The following NKAIN2 variants were observed in gnomAD, a reference collection of about 807,000 sequenced individuals.
NKAIN2 encodes the protein sodium/potassium transporting ATPase interacting 2.
NKAIN2 carries 14 observed loss-of-function variants against 32.6 expected under a neutral mutation model. The observed-to-expected ratio is 0.43, with a 90% CI of 0.28 to 0.67. The LOEUF (loss-of-function observed/expected upper bound fraction) is 0.67, where lower values mean the gene tolerates loss of function less well. NKAIN2 is among the 30% of genes least tolerant of loss of function. NKAIN2 has a pLI of 0.17. For missense variants in NKAIN2, 198 were observed against 258.3 expected (o/e 0.77, Z 1.60); for synonymous variants, 80 against 87.2 (o/e 0.92, Z 0.46).
chr6:123,843,782 T>C (rs1774978591), intron 1 of NKAIN2, among the ~76,000 whole-genome samples: 1 of 151,992 alleles, frequency 6.6e-6, no homozygotes, highest in Non-Finnish European at 1.5e-5. Flanking sequence ...ACGCAAGTTA[T>C]GGGAGGGTAA....
At chr6:124,510,181 T>G (rs505424) in intron 3 of NKAIN2, among the ~76,000 whole-genome samples, 1 of 152,054 alleles carries the variant, frequency 6.6e-6, no homozygotes, top group Non-Finnish European at 1.5e-5. Flanking sequence ...TATTTTTACA[T>G]CGAATGTTGG....
chr6:124,127,840 T>G (rs1000185927), intron 1 of NKAIN2, among the ~76,000 whole-genome samples: 1 of 152,090 alleles, frequency 6.6e-6, no homozygotes, highest in African/African-American at 2.4e-5. Context: ...TTCCCGTTTT[T>G]TTTTTAGATG....
At chr6:124,812,998 G>A (rs184605950) in intron 5 of NKAIN2, among the ~76,000 whole-genome samples, 7 of 146,156 alleles carry the variant, frequency 4.8e-5, no homozygotes, top group South Asian at 2.2e-4. Context: ...ATGCCAAGTC[G>A]CATGAAAGAA....
intron 1 of NKAIN2, among the ~76,000 whole-genome samples, chr6:123,933,583 T>A (rs1341203861): frequency 1.3e-5 from 2 of 152,212 alleles, no homozygotes; most frequent in African/African-American, 4.8e-5. Flanking sequence ...CCTTCTCTGT[T>A]ATTTTCAGTT....
intron 1 of NKAIN2, among the ~76,000 whole-genome samples, chr6:124,043,990 G>T (rs944798203): frequency 2.0e-5 from 3 of 152,064 alleles, no homozygotes; most frequent in African/African-American, 7.2e-5. Flanking sequence ...ATGTAGACAA[G>T]TATTCCAGAC....
chr6:124,808,866 T>C (rs1356695924), intron 5 of NKAIN2, among the ~76,000 whole-genome samples: 1 of 152,092 alleles, frequency 6.6e-6, no homozygotes, highest in African/African-American at 2.4e-5. Context: ...AAATCATGAG[T>C]GAACTCCCAT....
At chr6:124,707,397 A>T (rs949027790) in intron 4 of NKAIN2, among the ~76,000 whole-genome samples, 11 of 151,026 alleles carry the variant, frequency 7.3e-5, no homozygotes, top group Non-Finnish European at 1.3e-4. Context: ...CCAGTTCTAG[A>T]TCCCTGAGGA....
intron 1 of NKAIN2, among the ~76,000 whole-genome samples, chr6:124,236,318 A>G (rs940738265): frequency 1.3e-5 from 2 of 152,140 alleles, no homozygotes; most frequent in Non-Finnish European, 2.9e-5. Context: ...TGCAATGACA[A>G]TGGAACATGT....
At chr6:123,895,611 AAAG>A (rs1469320817) in intron 1 of NKAIN2, among the ~76,000 whole-genome samples, 1 of 152,202 alleles carries the variant, frequency 6.6e-6, no homozygotes, top group East Asian at 1.9e-4. Flanking sequence ...ATGCTTAGAC[AAAG>A]AAGACTGTAA....
chr6:124,114,307 G>A (rs561834643), intron 1 of NKAIN2, among the ~76,000 whole-genome samples: 100 of 151,748 alleles, frequency 6.6e-4, no homozygotes, highest in Admixed American at 1.2e-3. Flanking sequence ...TGGTAAAAAG[G>A]ATGGCACAAG....
At chr6:123,978,828 C>T (rs373949484) in intron 1 of NKAIN2, among the ~76,000 whole-genome samples, 4 of 152,070 alleles carry the variant, frequency 2.6e-5, no homozygotes, top group African/African-American at 2.4e-5. Flanking sequence ...ATTTATCAGG[C>T]GAATTAGCTT....
At chr6:123,855,726 A>G (rs2114967413) in intron 1 of NKAIN2, among the ~76,000 whole-genome samples, 1 of 152,330 alleles carries the variant, frequency 6.6e-6, no homozygotes, top group South Asian at 2.1e-4. Context: ...TGACAAGGCT[A>G]TTTGTGTATC....
chr6:124,550,824 T>G (rs1306624124), intron 3 of NKAIN2, among the ~76,000 whole-genome samples: 1 of 152,124 alleles, frequency 6.6e-6, no homozygotes, highest in Non-Finnish European at 1.5e-5. Context: ...TTCAAATAGA[T>G]TTTGATTTCG....
chr6:124,124,774 A>G (rs1171698008), intron 1 of NKAIN2, among the ~76,000 whole-genome samples: 1 of 152,174 alleles, frequency 6.6e-6, no homozygotes, highest in Non-Finnish European at 1.5e-5. Context: ...TGCAGATGAT[A>G]TTTGCTTTGG....
At chr6:124,529,024 T>A (rs186196333) in intron 3 of NKAIN2, among the ~76,000 whole-genome samples, 1 of 152,290 alleles carries the variant, frequency 6.6e-6, no homozygotes, top group East Asian at 1.9e-4. Context: ...TACTAAAACA[T>A]GTGGCTTGAG....
At chr6:124,582,529 A>G (rs1781560689) in intron 3 of NKAIN2, among the ~76,000 whole-genome samples, 1 of 152,154 alleles carries the variant, frequency 6.6e-6, no homozygotes, top group Admixed American at 6.5e-5. Flanking sequence ...TTTACCAAAC[A>G]TTTAAAGAAG....
At chr6:123,939,724 G>A (rs1417130690) in intron 1 of NKAIN2, among the ~76,000 whole-genome samples, 1 of 151,898 alleles carries the variant, frequency 6.6e-6, no homozygotes, top group Admixed American at 6.6e-5. Flanking sequence ...TGCTGCCTTA[G>A]TTCCTATGAA....
chr6:124,145,404 G>A lies in NKAIN2; in HGVS notation c.55-137601G>A, dbSNP rs771879318. Reference sequence around the variant, plus strand: ...CAGGTGAATGGTTTAATAAACTGTGGTATACTATTTAGCAATGCAAAAGAG... The same window carrying A: ...CAGGTGAATGGTTTAATAAACTGTGATATACTATTTAGCAATGCAAAAGAG... On this transcript the variant is annotated intron_variant, in intron 1 of 6. Coordinates refer to ENST00000368417, the MANE Select transcript of NKAIN2 (RefSeq NM_001040214.3). Among the ~76,000 whole-genome samples, 23 of 152,180 alleles carry A rather than the reference G, an allele frequency of 1.5e-4. 1 individual carries two copies. The highest frequency in any genetic ancestry group is 3.1e-4 in the Non-Finnish European group (21 of 68,030).
intron 3 of NKAIN2, among the ~76,000 whole-genome samples, chr6:124,540,777 A>T (rs1779883501): frequency 6.6e-6 from 1 of 152,214 alleles, no homozygotes. Flanking sequence ...TCATTATAAT[A>T]TTTAATAAAT....
Sources: gnomAD v4.1 joint callset for allele counts (sites outside exome capture counted in the v4.1 genomes callset) on GRCh38, gnomAD v4.1.1 for gene constraint, MANE v1.5 for transcripts, NCBI Gene and HGNC (gene_info 2026-07-23, HGNC 2026-07-21) for gene names.